Variants in FHIT observed in about 807,000 individuals in gnomAD.
FHIT encodes the protein fragile histidine triad diadenosine triphosphatase.
In FHIT, 19 loss-of-function variants were observed where a neutral mutation model predicts 17.9. The observed-to-expected ratio is 1.06, with a 90% CI of 0.74 to 1.56. The LOEUF is 1.56. Ranked by LOEUF, FHIT falls within the 40% of genes most tolerant of loss-of-function variation. The pLI is 0.00. For missense variants in FHIT, 248 were observed against 189.2 expected (o/e 1.31, Z -1.82); for synonymous variants, 81 against 69.7 (o/e 1.16, Z -0.81).
At chr3:60,102,864 C>T (rs1704251318) in intron 5 of FHIT, among the ~76,000 whole-genome samples, 1 of 152,028 alleles carries the variant, frequency 6.6e-6, no homozygotes, top group Non-Finnish European at 1.5e-5. Flanking sequence ...CACACAAGTC[C>T]CGTGTCTGAT....
chr3:60,181,065 T>G (rs536051617), intron 5 of FHIT, among the ~76,000 whole-genome samples: 1 of 152,132 alleles, frequency 6.6e-6, no homozygotes, highest in Non-Finnish European at 1.5e-5. Context: ...CAACCAGCTA[T>G]GAGAAGTAAC....
At chr3:61,063,055 C>T (rs1276117539) in intron 2 of FHIT, among the ~76,000 whole-genome samples, 2 of 151,840 alleles carry the variant, frequency 1.3e-5, no homozygotes, top group East Asian at 1.9e-4. Context: ...GTCAGGAGAT[C>T]GAGACCATCC....
intron 8 of FHIT, among the ~76,000 whole-genome samples, chr3:59,870,520 T>A (rs1702869993): frequency 6.6e-6 from 1 of 152,220 alleles, no homozygotes; most frequent in Non-Finnish European, 1.5e-5. Context: ...ATCCCACTCC[T>A]ACTGGGCTGG....
chr3:59,769,713 A>C (rs943932130), intron 8 of FHIT, among the ~76,000 whole-genome samples: 6 of 149,616 alleles, frequency 4.0e-5, no homozygotes, highest in African/African-American at 1.5e-4. Flanking sequence ...GTGTTTTCTC[A>C]ATACTGGACT....
chr3:61,247,142 T>G (rs931448441), intron 1 of FHIT, among the ~76,000 whole-genome samples: 1 of 152,134 alleles, frequency 6.6e-6, no homozygotes, highest in African/African-American at 2.4e-5. Flanking sequence ...GGAACAGAGC[T>G]AGGAGCAAGA....
intron 5 of FHIT, among the ~76,000 whole-genome samples, chr3:60,130,632 A>G (rs566902006): frequency 9.9e-5 from 1 of 10,122 alleles, no homozygotes; most frequent in Admixed American, 1.4e-3. Flanking sequence ...ATCATATACA[A>G]AAATAAAGAA....
At chr3:60,410,936 A>G (rs1406661198) in intron 5 of FHIT, among the ~76,000 whole-genome samples, 1 of 152,146 alleles carries the variant, frequency 6.6e-6, no homozygotes. Flanking sequence ...TTTGCAAAAT[A>G]TGTGTACTTT....
In FHIT at chr3:60,968,378, A is replaced by T. The variant is rs140248378; in HGVS notation, c.-111+73669T>A. 5.1e-4 allele frequency among the ~76,000 whole-genome samples: 78 copies of T among 152,022 alleles called. 1 individual carries two copies. The East Asian group carries it at 0.015, about 29-fold the overall frequency. ...ACACATTTATGATCTCAACAAGAAA[A>T]TTGTTAATATTTCAAATTAAGTATG... On this transcript the variant is annotated intron_variant, in intron 3 of 9. Coordinates refer to ENST00000492590, the MANE Select transcript of FHIT (RefSeq NM_002012.4).
chr3:60,734,001 A>T (rs1052668613), intron 4 of FHIT, among the ~76,000 whole-genome samples: 5 of 152,184 alleles, frequency 3.3e-5, no homozygotes, highest in Non-Finnish European at 5.9e-5. Flanking sequence ...AACATAAAAC[A>T]CTTTATCTGA....
chr3:60,823,778 T>C (rs1702018070), intron 3 of FHIT, among the ~76,000 whole-genome samples: 1 of 152,166 alleles, frequency 6.6e-6, no homozygotes. Context: ...GATTGTTGCA[T>C]TTTTGAGCAA....
At chr3:60,970,413 T>C (rs1372617138) in intron 3 of FHIT, among the ~76,000 whole-genome samples, 5 of 152,162 alleles carry the variant, frequency 3.3e-5, no homozygotes, top group Non-Finnish European at 5.9e-5. Context: ...AATAATCCAG[T>C]CTAATAATCT....
At chr3:60,950,485 C>CTT (rs199681114) in intron 3 of FHIT, among the ~76,000 whole-genome samples, 1 of 140,432 alleles carries the variant, frequency 7.1e-6, no homozygotes. Context: ...GCTTTTTTTT[C>CTT]TTTTTTTTTT....
intron 4 of FHIT, among the ~76,000 whole-genome samples, chr3:60,633,671 G>A (rs1351135860): frequency 1.3e-5 from 2 of 152,166 alleles, no homozygotes; most frequent in South Asian, 2.1e-4. Context: ...TATGCTACTC[G>A]CATTCTAGAG....
At chr3:60,015,981 A>G (rs1163312792) in intron 5 of FHIT, among the ~76,000 whole-genome samples, 1 of 152,222 alleles carries the variant, frequency 6.6e-6, no homozygotes, top group Non-Finnish European at 1.5e-5. Flanking sequence ...TTCTAATGCC[A>G]CTTTTTATAT....
In FHIT at chr3:59,788,882, T is replaced by TTTTTTTTTTTTTTTTG. The variant is rs1553677030; in HGVS notation, c.349-36562_349-36561insCAAAAAAAAAAAAAAA. On this transcript the variant is annotated intron_variant, in intron 8 of 9. Transcript: ENST00000492590. ...CCACGTTCTTTGCTGAGTTCATATG[T>TTTTTTTTTTTTTTTTG]TTTTTTTTTTTACCCCATCTCCAAA... 6.7e-5 allele frequency among the ~76,000 whole-genome samples: 3 copies of TTTTTTTTTTTTTTTTG among 44,794 alleles called. 1 individual carries two copies. The highest frequency in any genetic ancestry group is 2.1e-4 in the African/African-American group (3 of 14,094). 29.4% of individuals were successfully genotyped at this position (44,794 alleles called of 152,430 possible). A position where few individuals can be genotyped will look rare whatever the true frequency, so the allele number is the denominator to read the frequency against.
chr3:60,011,700 G>C (rs1700146881), intron 6 of FHIT, among the ~76,000 whole-genome samples: 1 of 152,300 alleles, frequency 6.6e-6, no homozygotes, highest in East Asian at 1.9e-4. Flanking sequence ...GGCTGAAAAT[G>C]TTTGGGGAGG....
chr3:61,155,113 C>A (rs2037498590), intron 2 of FHIT, among the ~76,000 whole-genome samples: 1 of 152,216 alleles, frequency 6.6e-6, no homozygotes, highest in Admixed American at 6.5e-5. Context: ...CAGCAATCTA[C>A]ATTTATTATA....
At chr3:61,085,142 C>CTTGAATGAATG (rs2035266319) in intron 2 of FHIT, among the ~76,000 whole-genome samples, 3 of 152,232 alleles carry the variant, frequency 2.0e-5, no homozygotes, top group East Asian at 3.9e-4. Context: ...CATTTCTCCA[C>CTTGAATGAATG]AAGTTTTCAT....
At chr3:60,387,710 T>G (rs1001936185) in intron 5 of FHIT, among the ~76,000 whole-genome samples, 1 of 152,160 alleles carries the variant, frequency 6.6e-6, no homozygotes, top group African/African-American at 2.4e-5. Context: ...CACAGGCCTT[T>G]GAAGCGACTA....
Sources: gnomAD v4.1 joint callset for allele counts (sites outside exome capture counted in the v4.1 genomes callset) on GRCh38, gnomAD v4.1.1 for gene constraint, MANE v1.5 for transcripts, NCBI Gene and HGNC (gene_info 2026-07-23, HGNC 2026-07-21) for gene names.